The following CIP2A variants were observed in gnomAD, a reference collection of about 807,000 sequenced individuals.
The protein encoded by CIP2A is protein CIP2A.
Under a neutral mutation model 110.9 loss-of-function variants are expected in CIP2A, and 103 were observed. That is an observed-to-expected ratio of 0.93 (90% CI 0.79 to 1.09). The LOEUF (loss-of-function observed/expected upper bound fraction) is 1.09. CIP2A is among the 50% of genes least tolerant of loss of function. The probability of loss-of-function intolerance (pLI) is 0.00; values close to 1 mark genes in which losing one functional copy is unlikely to be tolerated. For missense variants in CIP2A, 1,088 were observed against 1,038.4 expected (o/e 1.05, Z -0.66); for synonymous variants, 381 against 361.6 (o/e 1.05, Z -0.61).
chr3:108,587,198 G>C (rs931827244), intron 1 of CIP2A, among the ~76,000 whole-genome samples: 70 of 152,080 alleles, frequency 4.6e-4, no homozygotes, highest in Non-Finnish European at 1.8e-4. Flanking sequence ...GTATATAAAT[G>C]TGTGCATATA....
Position 108,551,284 on chromosome 3 carries a change from T to G in CIP2A, c.2583A>C (p.Glu861Asp), listed in dbSNP as rs1283209456. 1.2e-6 allele frequency: 2 copies of G among 1,612,352 alleles called. No homozygotes were observed. The highest frequency in any genetic ancestry group is 3.3e-5 in the Admixed American group (2 of 59,940). ...SSLEVQKAQLEGRLEEKESLV... is the reference protein window; with the variant it reads ...SSLEVQKAQLDGRLEEKESLV... Reference sequence around the variant, plus strand: ...AGGACTCTTTCTCTTCCAAACGACCTTCTAATTGTGCCTTTTGAACCTCTA... The same window carrying G: ...AGGACTCTTTCTCTTCCAAACGACCGTCTAATTGTGCCTTTTGAACCTCTA... The change falls in exon 21 of 21, where the codon GAA (glutamate) becomes GAC (aspartate). Residue 861 changes from glutamate (E) to aspartate (D), a missense_variant. Glu to Asp is a conservative substitution (Grantham distance 45). Transcript: ENST00000295746.
chr3:108,560,830 C>T lies in CIP2A; in HGVS notation c.1646G>A (p.Ser549Asn). Residue 549 changes from serine to asparagine, a missense_variant, in exon 14 of 21, where the codon AGT (serine) becomes AAT (asparagine). Transcript: ENST00000295746. ...PDFPALVLGE[S>N]IAANNAYRQQ... The stretch of plus-strand genomic sequence containing the variant: ...TCTATAGGCATTGTTTGCTGCTATA[C>T]TTTCTCCAAGTCTGAATGGGAGTCA... 1.3e-6 allele frequency: 2 copies of T among 1,581,392 alleles called. No homozygotes were observed. Among genetic ancestry groups the T allele is most frequent in the South Asian group, 1.2e-5 (1 of 84,026 alleles).
chr3:108,580,436 A>AACACACACACACAC (rs375166090), intron 5 of CIP2A, among the ~76,000 whole-genome samples: 4,209 of 142,168 alleles, frequency 0.03, 88 homozygotes, highest in Non-Finnish European at 0.043. Context: ...CAGAAATTGA[A>AACACACACACACAC]ACACACACAC....
chr3:108,583,160 C>CT, intron 2 of CIP2A, 77 bp from the exon 3 acceptor site: 1 of 685,952 alleles, frequency 1.5e-6, no homozygotes, highest in Non-Finnish European at 2.3e-6. Context: ...GAATTTATTT[C>CT]ATATGAATTT....
At chr3:108,580,269 G>T (rs1938820771) in intron 5 of CIP2A, among the ~76,000 whole-genome samples, 1 of 152,184 alleles carries the variant, frequency 6.6e-6, no homozygotes, top group African/African-American at 2.4e-5. Flanking sequence ...CTGCATGTGT[G>T]AGCAAGATGG....
chr3:108,572,080 A>G (rs539118897), intron 8 of CIP2A, among the ~76,000 whole-genome samples: 5 of 152,194 alleles, frequency 3.3e-5, no homozygotes, highest in Non-Finnish European at 7.4e-5. Flanking sequence ...GAAAAATAAT[A>G]TATTTTGGAT....
chr3:108,575,641 CTCATATACATGT>C, intron 8 of CIP2A, among the ~76,000 whole-genome samples: 2 of 131,484 alleles, frequency 1.5e-5, no homozygotes, highest in African/African-American at 6.4e-5. Context: ...TGTATATATA[CTCATATACATGT>C]GTATATATAC....
intron 13 of CIP2A, 25 bp downstream of exon 13, chr3:108,563,101 T>TA: frequency 1.4e-6 from 2 of 1,431,762 alleles, no homozygotes; most frequent in Non-Finnish European, 2.0e-6. Flanking sequence ...CCACAAGAGA[T>TA]ACACTGCAAA....
Position 108,560,103 on chromosome 3 carries a change from C to A in CIP2A, c.1828-75G>T, listed in dbSNP as rs1937946573. On this transcript the variant is annotated intron_variant, in intron 14 of 20. Coordinates refer to ENST00000295746, the MANE Select transcript of CIP2A (RefSeq NM_020890.3). ...ACAATGACAAAATAAATGCCTACTT[C>A]AAAACTAAATCATTAAAACTTAATG... 10 of 776,150 alleles carry A rather than the reference C, an allele frequency of 1.3e-5. No individual in the cohort carries two copies. The Admixed American group carries it at 2.4e-4, about 18-fold the overall frequency. The allele number at this position is 776,150 out of a possible 1,614,324, so 48.1% of individuals were successfully genotyped here.
intron 14 of CIP2A, 78 bp downstream of exon 14, chr3:108,560,571 G>T: frequency 1.3e-6 from 1 of 776,986 alleles, no homozygotes; most frequent in Non-Finnish European, 2.0e-6. Flanking sequence ...GTACCTGACA[G>T]TGTTTAGATA....
At chr3:108,581,795 GA>G (rs1379641122) in intron 4 of CIP2A, among the ~76,000 whole-genome samples, 3 of 152,028 alleles carry the variant, frequency 2.0e-5, no homozygotes, top group African/African-American at 7.2e-5. Flanking sequence ...TTTCCTACAA[GA>G]ATAACTACAC....
At chr3:108,573,674 T>G (rs1232753704) in intron 8 of CIP2A, among the ~76,000 whole-genome samples, 3 of 152,102 alleles carry the variant, frequency 2.0e-5, no homozygotes, top group African/African-American at 7.2e-5. Flanking sequence ...ATTTAGATAC[T>G]AATTAGAAAT....
intron 8 of CIP2A, among the ~76,000 whole-genome samples, chr3:108,575,238 C>T (rs1362289367): frequency 6.6e-6 from 1 of 151,718 alleles, no homozygotes; most frequent in African/African-American, 2.4e-5. Flanking sequence ...TTTATTTATA[C>T]AAAGTTCCAA....
intron 19 of CIP2A, among the ~76,000 whole-genome samples, chr3:108,552,997 C>A (rs1937628909): frequency 6.6e-6 from 1 of 151,916 alleles, no homozygotes; most frequent in African/African-American, 2.4e-5. Context: ...AGATCCATAC[C>A]CCAAACATCC....
Position 108,589,390 on chromosome 3 carries a change from C to A in CIP2A, c.-15G>T, listed in dbSNP as rs918725557. 2 of 1,599,834 alleles carry A rather than the reference C, an allele frequency of 1.3e-6. No homozygotes were observed. Among genetic ancestry groups the A allele is most frequent in the African/African-American group, 1.3e-5 (1 of 74,498 alleles). ...GTGGAGTCCATTGCACCGGCCGCGG[C>A]CCGGCTTAGGGACCACCACCGCCCA... On this transcript the variant is annotated 5_prime_UTR_variant, in exon 1 of 21. Transcript: ENST00000295746.
At position 108,579,538 on chromosome 3, in the gene CIP2A, C is replaced by T; in HGVS notation, c.672+28G>A. ...TTTTAAAATATCAGACTATAAACTT[C>T]AGAATAAATTTGAAAAATTGTATTT... On this transcript the variant is annotated intron_variant, in intron 6 of 20. Transcript: ENST00000295746. The T allele has an allele frequency of 1.3e-6, 2 of 1,574,900 alleles. 1 individual carries two copies. Among genetic ancestry groups the T allele is most frequent in the South Asian group, 2.4e-5 (2 of 84,696 alleles).
intron 1 of CIP2A, among the ~76,000 whole-genome samples, chr3:108,586,543 G>A (rs1939045070): frequency 6.6e-6 from 1 of 152,108 alleles, no homozygotes; most frequent in Non-Finnish European, 1.5e-5. Flanking sequence ...TTAAAACAAA[G>A]ATAATTTATT....
At position 108,583,035 on chromosome 3, in the gene CIP2A, T is replaced by C. The variant is rs1938933320; in HGVS notation, c.299A>G (p.Asn100Ser). 1.2e-6 allele frequency: 2 copies of C among 1,607,838 alleles called. No individual in the cohort carries two copies. The highest frequency in any genetic ancestry group is 1.7e-6 in the Non-Finnish European group (2 of 1,177,038). The change falls in exon 3 of 21, where the codon AAT becomes AGT. Residue 100 changes from asparagine to serine, a missense_variant. Transcript: ENST00000295746. The stretch of plus-strand genomic sequence containing the variant: ...ACAAACCACTCCCGCCAGCACACTA[T>C]TCAGATTATATGTATTCTGAAGACA... The part of the protein sequence containing the change: ...RDCLQNTYNL[N>S]SVLAGVVCRS...
rs1052484982 is a variant in CIP2A, at chr3:108,551,088, C to A, written c.*61G>T. On this transcript the variant is annotated 3_prime_UTR_variant, in exon 21 of 21. Transcript: ENST00000295746. The stretch of plus-strand genomic sequence containing the variant: ...AAATTAACTCCCCTACCCACCCCCC[C>A]TCCAATAGATAAATACATCAAAAAT... 8.8e-6 allele frequency: 6 copies of A among 679,512 alleles called. No individual in the cohort carries two copies. In the Admixed American group the frequency reaches 1.7e-4, roughly 19 times the overall value. 42.1% of individuals were successfully genotyped at this position (679,512 alleles called of 1,614,324 possible). A position where few individuals can be genotyped will look rare whatever the true frequency, so the allele number is the denominator to read the frequency against.
Sources: allele counts gnomAD v4.1 joint callset (sites outside exome capture counted in the v4.1 genomes callset), GRCh38; gene constraint gnomAD v4.1.1; transcripts MANE v1.5; gene names NCBI Gene and HGNC (gene_info 2026-07-23, HGNC 2026-07-21).